Variants in GML observed in about 807,000 individuals in gnomAD.
GML encodes glycosylphosphatidylinositol anchored molecule like, also known as glycosyl-phosphatidylinositol-anchored molecule-like protein.
A neutral mutation model predicts 8.2 loss-of-function variants in GML; 5 were observed. That is an observed-to-expected ratio of 0.61 (90% CI 0.32 to 1.28). The LOEUF is 1.28. Among genes scored for constraint, GML ranks in the 50% most tolerant of loss-of-function variants. GML has a pLI of 0.06. For synonymous variants in GML, 72 were observed against 69.0 expected, an observed-to-expected ratio of 1.04 and a Z score of -0.22; for missense variants, 191 against 198.3, an observed-to-expected ratio of 0.96 and a Z score of 0.22.
chr8:142,846,338 A>G lies in GML; in HGVS notation c.182-57A>G, dbSNP rs556795765. ...TTGAATGTGAGGTGTATGTGCCTCA[A>G]TATTTACAAGCAGAAAATGTGAAAT... On this transcript the variant is annotated intron_variant, in intron 3 of 3. Coordinates refer to ENST00000220940, the MANE Select transcript of GML (RefSeq NM_002066.3). The G allele has an allele frequency of 3.2e-5, 37 of 1,163,190 alleles. No homozygotes were observed. In the South Asian group the frequency reaches 3.6e-4, roughly 11 times the overall value. The allele number at this position is 1,163,190 out of a possible 1,614,324, so 72.1% of individuals were successfully genotyped here. A position where few individuals can be genotyped will look rare whatever the true frequency, so the allele number is the denominator to read the frequency against.
intron 3 of GML, among the ~76,000 whole-genome samples, chr8:142,841,705 C>T (rs1816437099): frequency 6.6e-6 from 1 of 152,224 alleles, no homozygotes. Context: ...CCTGCACTTC[C>T]AGGATGCTCT....
At chr8:142,846,334 C>G (rs1458714212) in intron 3 of GML, 61 bp from the exon 4 acceptor site, 1 of 1,093,400 alleles carries the variant, frequency 9.1e-7, no homozygotes, top group African/African-American at 1.6e-5. Flanking sequence ...GTGTATGTGC[C>G]TCAATATTTA....
intron 1 of GML, among the ~76,000 whole-genome samples, chr8:142,839,172 A>AG (rs11445904): frequency 0.01 from 1,574 of 152,166 alleles, 31 homozygotes; most frequent in African/African-American, 0.036. Flanking sequence ...GCTGGGTCTC[A>AG]GGGGAATGGG....
intron 3 of GML, among the ~76,000 whole-genome samples, chr8:142,843,601 AC>A (rs1459468632): frequency 2.6e-5 from 4 of 152,182 alleles, no homozygotes; most frequent in Non-Finnish European, 5.9e-5. Flanking sequence ...GAGACAACAA[AC>A]TTCAAATAAC....
Position 142,841,137 on chromosome 8 carries a change from C to T in GML, c.93C>T (p.Cys31=), listed in dbSNP as rs766833184. The T allele has an allele frequency of 1.3e-6, 2 of 1,559,278 alleles. No individual in the cohort carries two copies. The highest frequency in any genetic ancestry group is 1.8e-6 in the Non-Finnish European group (2 of 1,130,038). The change falls in exon 3 of 4, where the codon TGC becomes TGT. Residue 31 remains cysteine, a synonymous_variant. Coordinates refer to ENST00000220940, the MANE Select transcript of GML (RefSeq NM_002066.3). The part of the protein sequence containing the change: ...MRAQWTYSLR[C]HDCAVINDFN... ...TCTCAGGGACTTACAGTTTGAGATG[C>T]CATGACTGTGCGGTCATAAATGACT... is the stretch of plus-strand genomic sequence containing the variant.
chr8:142,844,620 A>G (rs552409810), intron 3 of GML, among the ~76,000 whole-genome samples: 15 of 152,336 alleles, frequency 9.8e-5, no homozygotes, highest in Middle Eastern at 3.4e-3. Flanking sequence ...AAACTGATCA[A>G]TGGAAATTTA....
chr8:142,836,633 C>G (rs377406593), intron 1 of GML, among the ~76,000 whole-genome samples: 7 of 152,116 alleles, frequency 4.6e-5, no homozygotes, highest in East Asian at 1.9e-4. Flanking sequence ...TCTTGCGTTG[C>G]GTACAAAATA....
chr8:142,843,144 A>T (rs1026163181), intron 3 of GML, among the ~76,000 whole-genome samples: 4 of 152,072 alleles, frequency 2.6e-5, no homozygotes, highest in Non-Finnish European at 5.9e-5. Context: ...ATGGAAAGAA[A>T]CGCAGGCAGT....
At chr8:142,836,830 C>T (rs1452901023) in intron 1 of GML, among the ~76,000 whole-genome samples, 2 of 151,348 alleles carry the variant, frequency 1.3e-5, no homozygotes, top group Admixed American at 1.3e-4. Flanking sequence ...TAACTGAAGC[C>T]ATCTTGAGCG....
At chr8:142,844,708 GTTC>G (rs1370226265) in intron 3 of GML, among the ~76,000 whole-genome samples, 1 of 152,142 alleles carries the variant, frequency 6.6e-6, no homozygotes. Context: ...GTTCACTGTC[GTTC>G]TTCTTGAAAG....
chr8:142,839,684 T>C (rs915525880), intron 1 of GML, among the ~76,000 whole-genome samples: 1 of 152,132 alleles, frequency 6.6e-6, no homozygotes, highest in Non-Finnish European at 1.5e-5. Flanking sequence ...ATGGAGACAG[T>C]GCGTTTGCAG....
At chr8:142,843,337 G>C (rs1816464315) in intron 3 of GML, among the ~76,000 whole-genome samples, 1 of 146,436 alleles carries the variant, frequency 6.8e-6, no homozygotes. Context: ...TAACAGAATT[G>C]CAATGTGGTT....
intron 3 of GML, among the ~76,000 whole-genome samples, chr8:142,845,638 C>T (rs993734174): frequency 1.3e-5 from 2 of 152,146 alleles, no homozygotes; most frequent in Non-Finnish European, 2.9e-5. Context: ...AGGTATTTAA[C>T]CCTGGGATTC....
intron 3 of GML, among the ~76,000 whole-genome samples, chr8:142,844,150 G>C (rs1333678218): frequency 6.6e-6 from 1 of 152,138 alleles, no homozygotes; most frequent in Non-Finnish European, 1.5e-5. Context: ...CATTAGAAGA[G>C]AAATAATTCA....
chr8:142,846,221 C>A (rs1047931585), intron 3 of GML, among the ~76,000 whole-genome samples, 174 bp from the exon 4 acceptor site: 2 of 152,176 alleles, frequency 1.3e-5, no homozygotes, highest in African/African-American at 4.8e-5. Flanking sequence ...ATGAGACCCG[C>A]TAGTGGACTT....
intron 2 of GML, 24 bp from the exon 3 acceptor site, chr8:142,841,094 G>A: frequency 8.9e-7 from 1 of 1,125,822 alleles, no homozygotes; most frequent in South Asian, 1.2e-5. Context: ...GCAGAAGCCT[G>A]AAGCCTGCTT....
At chr8:142,838,592 G>A (rs931001113) in intron 1 of GML, among the ~76,000 whole-genome samples, 1 of 152,066 alleles carries the variant, frequency 6.6e-6, no homozygotes, top group Non-Finnish European at 1.5e-5. Flanking sequence ...GGAATTCCTG[G>A]GAAACACACT....
chr8:142,839,190 T>C (rs767675243), intron 1 of GML, among the ~76,000 whole-genome samples: 7 of 151,318 alleles, frequency 4.6e-5, no homozygotes, highest in Non-Finnish European at 8.9e-5. Flanking sequence ...GGGCATGGAG[T>C]GGGTAGGAGA....
At chr8:142,835,164 CCT>C (rs1283254585) in intron 1 of GML, among the ~76,000 whole-genome samples, 1 of 151,788 alleles carries the variant, frequency 6.6e-6, no homozygotes, top group Non-Finnish European at 1.5e-5. Flanking sequence ...TAATTCAGCT[CCT>C]CTCAGGGGTA....
Sources: allele counts gnomAD v4.1 joint callset (sites outside exome capture counted in the v4.1 genomes callset), GRCh38; gene constraint gnomAD v4.1.1; transcripts MANE v1.5; gene names NCBI Gene and HGNC (gene_info 2026-07-23, HGNC 2026-07-21).